Variants in FOXA1 observed in about 807,000 individuals in gnomAD.
The protein encoded by FOXA1 is hepatocyte nuclear factor 3-alpha.
FOXA1 carries 9 observed loss-of-function variants against 29.2 expected under a neutral mutation model. That is an observed-to-expected ratio of 0.31 (90% CI 0.19 to 0.54). The LOEUF is 0.54. Ranked by LOEUF, FOXA1 falls within the 20% of genes least tolerant of loss-of-function variation. FOXA1 has a pLI of 0.95. For missense variants in FOXA1, 644 were observed against 681.2 expected, an observed-to-expected ratio of 0.95 and a Z score of 0.61; for synonymous variants, 340 against 300.9, an observed-to-expected ratio of 1.13 and a Z score of -1.34.
chr14:37,591,854 A>C lies in FOXA1; in HGVS notation c.930T>G (p.His310Gln), dbSNP rs1011397768. ...ASNPSADSPL[H>Q]RGVHGKTGQL... ...GGCCGGTCTTCCCGTGCACACCCCGATGGAGGGGCGAGTCGGCGCTGGGGT... is the reference window on the plus strand; with the variant it reads ...GGCCGGTCTTCCCGTGCACACCCCGCTGGAGGGGCGAGTCGGCGCTGGGGT... The change falls in exon 2 of 2, where the codon CAT becomes CAG. Residue 310 changes from histidine to glutamine, a missense_variant. Around this residue, in one of 5 missense-constraint regions of FOXA1, gnomAD observed 295 missense variants for 294.4 expected, o/e 1.00. Coordinates refer to ENST00000250448, the MANE Select transcript of FOXA1 (RefSeq NM_004496.5). 2 of 1,451,938 alleles carry C rather than the reference A, an allele frequency of 1.4e-6. No individual in the cohort carries two copies. The highest frequency in any genetic ancestry group is 1.8e-6 in the Non-Finnish European group (2 of 1,107,942). The allele number at this position is 1,451,938 out of a possible 1,614,324, so 89.9% of individuals were successfully genotyped here.
In FOXA1 at chr14:37,592,457, G is replaced by T; in HGVS notation, c.327C>A (p.Ser109Arg). 1 of 1,604,652 alleles carries T rather than the reference G, an allele frequency of 6.2e-7. No homozygotes were observed. Among genetic ancestry groups the T allele is most frequent in the Non-Finnish European group, 8.5e-7 (1 of 1,178,530 alleles). The change falls in exon 2 of 2, where the codon AGC (serine) becomes AGA (arginine). Residue 109 changes from serine (S) to arginine (R), a missense_variant. Ser to Arg is a moderately radical substitution (Grantham distance 110, BLOSUM62 -1). Around this residue, in one of 5 missense-constraint regions of FOXA1, gnomAD observed 309 missense variants for 307.0 expected, o/e 1.01. Transcript: ENST00000250448. Reference protein sequence around the residue: ...AGVTAMGTALSPSGMGAMGAQ... With the variant: ...AGVTAMGTALRPSGMGAMGAQ... ...CACCCATGGCGCCCATGCCGCTCGG[G>T]CTCAGCGCCGTACCCATGGCCGTCA...
Position 37,592,709 on chromosome 14 carries a change from G to A in FOXA1, c.75C>T (p.Ala25=). 4 of 1,611,448 alleles carry A rather than the reference G, an allele frequency of 2.5e-6. No homozygotes were observed. The highest frequency in any genetic ancestry group is 3.4e-6 in the Non-Finnish European group (4 of 1,180,020). The stretch of plus-strand genomic sequence containing the variant: ...TGTTGCTGACCGGGACGGAGGAGTA[G>A]GCCTGGAGTGGAGACAGCGAGTGAA... The part of the protein sequence containing the change: ...WNSYYADTQE[A]YSSVPVSNMN... Residue 25 remains alanine (A), a splice_region_variant and synonymous_variant, in exon 2 of 2, where the codon GCC becomes GCT. Coordinates refer to ENST00000250448, the MANE Select transcript of FOXA1 (RefSeq NM_004496.5).
chr14:37,592,839 C>G (rs1594978186), intron 1 of FOXA1, 128 bp from the exon 2 acceptor site: 1 of 1,170,802 alleles, frequency 8.5e-7, no homozygotes, highest in East Asian at 2.4e-5. Context: ...GACGCCCCCA[C>G]CCGGGGCAAA....
At position 37,591,338 on chromosome 14, in the gene FOXA1, G is replaced by A. The variant is rs2095595201; in HGVS notation, c.*27C>T. 1.2e-6 allele frequency: 2 copies of A among 1,610,756 alleles called. No individual in the cohort carries two copies. Among genetic ancestry groups the A allele is most frequent in the Non-Finnish European group, 1.7e-6 (2 of 1,179,992 alleles). On this transcript the variant is annotated 3_prime_UTR_variant, in exon 2 of 2. Coordinates refer to ENST00000250448, the MANE Select transcript of FOXA1 (RefSeq NM_004496.5). ...TCTCTCTTGCTACCAGCATGGCTAT[G>A]CCAGACAAACCCCCCAGTCCCGGGA...
Position 37,592,290 on chromosome 14 carries a change from C to T in FOXA1, c.494G>A (p.Ser165Asn), listed in dbSNP as rs2095596589. The T allele has an allele frequency of 1.2e-6, 2 of 1,612,386 alleles. No homozygotes were observed. The highest frequency in any genetic ancestry group is 1.7e-6 in the Non-Finnish European group (2 of 1,179,066). ...GGGDAKTFKR[S>N]YPHAKPPYSY... The stretch of plus-strand genomic sequence containing the variant: ...GTAGGGCGGCTTGGCGTGCGGGTAG[C>T]TGCGCTTGAACGTCTTGGCGTCGCC... The change falls in exon 2 of 2, where the codon AGC becomes AAC. Residue 165 changes from serine (S) to asparagine (N), a missense_variant. Physicochemically the swap from Ser to Asn is conservative, Grantham distance 46 (BLOSUM62 1). This residue lies in a region of FOXA1 where 309 missense variants were observed against 307.0 expected (regional missense o/e 1.01). Coordinates refer to ENST00000250448, the MANE Select transcript of FOXA1 (RefSeq NM_004496.5).
intron 1 of FOXA1, 49 bp downstream of exon 1, chr14:37,594,852 C>A (rs1173200978): frequency 2.0e-6 from 3 of 1,470,266 alleles, no homozygotes; most frequent in African/African-American, 2.9e-5. Context: ...TCCCCCGGCA[C>A]GGGCTCCAGC....
chr14:37,594,049 T>C (rs1594979448), intron 1 of FOXA1: 1 of 1,213,584 alleles, frequency 8.2e-7, no homozygotes, highest in East Asian at 6.1e-5. Context: ...TATATTTTTC[T>C]GTCCACGTCT....
chr14:37,591,498 T>C lies in FOXA1; in HGVS notation c.1286A>G (p.Tyr429Cys). The change falls in exon 2 of 2, where the codon TAC becomes TGC. Residue 429 changes from tyrosine (Y) to cysteine (C), a missense_variant. Tyr to Cys is a radical substitution (Grantham distance 194). Around this residue, in one of 5 missense-constraint regions of FOXA1, gnomAD observed 295 missense variants for 294.4 expected, o/e 1.00. Transcript: ENST00000250448. ...AYEQALQYSP[Y>C]GSTLPASLPL... ...CAGGCTGGCGGGCAACGTAGAGCCG[T>C]AAGGCGAGTATTGCAGTGCCTGTTC... 1 of 1,614,248 alleles carries C rather than the reference T, an allele frequency of 6.2e-7. No individual in the cohort carries two copies. The highest frequency in any genetic ancestry group is 1.1e-5 in the South Asian group (1 of 91,084).
At position 37,592,459 on chromosome 14, in the gene FOXA1, T is replaced by C. The variant is rs768301219; in HGVS notation, c.325A>G (p.Ser109Gly). Reference sequence around the variant, plus strand: ...CCCATGGCGCCCATGCCGCTCGGGCTCAGCGCCGTACCCATGGCCGTCACG... The same window carrying C: ...CCCATGGCGCCCATGCCGCTCGGGCCCAGCGCCGTACCCATGGCCGTCACG... ...AGVTAMGTAL[S>G]PSGMGAMGAQ... The change falls in exon 2 of 2, where the codon AGC becomes GGC. Residue 109 changes from serine to glycine, a missense_variant. Physicochemically the swap from Ser to Gly is moderately conservative, Grantham distance 56 (BLOSUM62 0). This residue lies in a region of FOXA1 where 309 missense variants were observed against 307.0 expected (regional missense o/e 1.01). Transcript: ENST00000250448. 16 of 1,605,124 alleles carry C rather than the reference T, an allele frequency of 1.0e-5. No individual in the cohort carries two copies. In the South Asian group the frequency reaches 1.6e-4, roughly 17 times the overall value.
chr14:37,590,087 T>G lies in FOXA1; in HGVS notation c.*1278A>C, dbSNP rs2095594284. ...TATTTTTGTTATTTAAATCAAAATA[T>G]TTTTAATTACAATCACATTGATAAA... is the stretch of plus-strand genomic sequence containing the variant. On this transcript the variant is annotated 3_prime_UTR_variant, in exon 2 of 2. Coordinates refer to ENST00000250448, the MANE Select transcript of FOXA1 (RefSeq NM_004496.5). 4.3e-6 allele frequency: 1 copy of G among 231,978 alleles called. No homozygotes were observed. The highest frequency in any genetic ancestry group is 2.2e-5 in the African/African-American group (1 of 45,304). The allele number at this position is 231,978 out of a possible 1,614,324, so 14.4% of individuals were successfully genotyped here.
rs775955726 is a variant in FOXA1, at chr14:37,591,849, C to G, written c.935G>C (p.Gly312Ala). Residue 312 changes from glycine (G) to alanine (A), a missense_variant, in exon 2 of 2, where the codon GGT becomes GCT. Coordinates refer to ENST00000250448, the MANE Select transcript of FOXA1 (RefSeq NM_004496.5). ...NPSADSPLHR[G>A]VHGKTGQLEG... is the part of the protein sequence containing the mutation. ...TAGCTGGCCGGTCTTCCCGTGCACA[C>G]CCCGATGGAGGGGCGAGTCGGCGCT... is the stretch of plus-strand genomic sequence containing the variant. 9.6e-6 allele frequency: 14 copies of G among 1,452,934 alleles called. No individual in the cohort carries two copies. The highest frequency in any genetic ancestry group is 1.3e-5 in the Non-Finnish European group (14 of 1,108,338). 90.0% of individuals were successfully genotyped at this position (1,452,934 alleles called of 1,614,324 possible).
In FOXA1 at chr14:37,592,684, T is replaced by G. The variant is rs2095597259; in HGVS notation, c.100A>C (p.Met34Leu). Residue 34 changes from methionine to leucine, a missense_variant, in exon 2 of 2, where the codon ATG becomes CTG. By Grantham distance (15) the Met-to-Leu change is conservative. Around this residue, in one of 5 missense-constraint regions of FOXA1, gnomAD observed 309 missense variants for 307.0 expected, o/e 1.01. Transcript: ENST00000250448. Reference sequence around the variant, plus strand: ...TTCATGGAGCCCAGGCCTGAGTTCATGTTGCTGACCGGGACGGAGGAGTAG... The same window carrying G: ...TTCATGGAGCCCAGGCCTGAGTTCAGGTTGCTGACCGGGACGGAGGAGTAG... ...EAYSSVPVSN[M>L]NSGLGSMNSM... The G allele has an allele frequency of 6.2e-7, 1 of 1,613,692 alleles. No homozygotes were observed.
chr14:37,593,508 A>G (rs1291201684), intron 1 of FOXA1, among the ~76,000 whole-genome samples: 1 of 151,120 alleles, frequency 6.6e-6, no homozygotes, highest in Non-Finnish European at 1.5e-5. Context: ...TTTTTTTCAC[A>G]TGCTGATGTT....
At chr14:37,594,757 A>C in intron 1 of FOXA1, 144 bp downstream of exon 1, 51 of 410,754 alleles carry the variant, frequency 1.2e-4, no homozygotes, top group Middle Eastern at 8.0e-4. Context: ...GGCCGGGGCC[A>C]CACCGGCGGG....
Position 37,591,627 on chromosome 14 carries a change from A to C in FOXA1, c.1157T>G (p.Leu386Arg), listed in dbSNP as rs1283275488. The change falls in exon 2 of 2, where the codon CTG (leucine) becomes CGG (arginine). Residue 386 changes from leucine (L) to arginine (R), a missense_variant. Physicochemically the swap from Leu to Arg is moderately radical, Grantham distance 102. Around this residue, in one of 5 missense-constraint regions of FOXA1, gnomAD observed 295 missense variants for 294.4 expected, o/e 1.00. Transcript: ENST00000250448. ...GTAGTGGGGGTCCCCTTTCAGGTGCAGCTGGGACTCGTGGGGTGCCAAGCC... is the reference window on the plus strand; with the variant it reads ...GTAGTGGGGGTCCCCTTTCAGGTGCCGCTGGGACTCGTGGGGTGCCAAGCC... ...AHGLAPHESQLHLKGDPHYSF... is the reference protein window; with the variant it reads ...AHGLAPHESQRHLKGDPHYSF... The C allele has an allele frequency of 6.2e-7, 1 of 1,604,920 alleles. No individual in the cohort carries two copies. Among genetic ancestry groups the C allele is most frequent in the Non-Finnish European group, 8.5e-7 (1 of 1,175,366 alleles).
Position 37,592,321 on chromosome 14 carries a change from C to T in FOXA1, c.463G>A (p.Gly155Ser). 5 of 1,598,178 alleles carry T rather than the reference C, an allele frequency of 3.1e-6. No homozygotes were observed. Among genetic ancestry groups the T allele is most frequent in the Non-Finnish European group, 4.3e-6 (5 of 1,173,686 alleles). The change falls in exon 2 of 2, where the codon GGC becomes AGC. Residue 155 changes from glycine (G) to serine (S), a missense_variant. By Grantham distance (56) the Gly-to-Ser change is moderately conservative. Around this residue, in one of 5 missense-constraint regions of FOXA1, gnomAD observed 309 missense variants for 307.0 expected, o/e 1.01. Transcript: ENST00000250448. Reference sequence around the variant, plus strand: ...TTGAACGTCTTGGCGTCGCCGCCGCCGCCCGCGCGGCTGCGGCCCAGGTTG... The same window carrying T: ...TTGAACGTCTTGGCGTCGCCGCCGCTGCCCGCGCGGCTGCGGCCCAGGTTG... ...PSNLGRSRAGGGGDAKTFKRS... is the reference protein window; with the variant it reads ...PSNLGRSRAGSGGDAKTFKRS...
rs2095597200 is a variant in FOXA1, at chr14:37,592,635, AT to A, written c.148del (p.Met50Ter). ...SMNSMNTYMT[M>X]NTMTTSGNMT... ...GTTGCCGCTCGTAGTCATGGTGTTC[AT>A]GGTCATGTAGGTGTTCATGGAGTTC... On this transcript the variant is annotated frameshift_variant, in exon 2 of 2. Coordinates refer to ENST00000250448, the MANE Select transcript of FOXA1 (RefSeq NM_004496.5). LOFTEE classifies it high-confidence loss of function. The A allele has an allele frequency of 6.2e-7, 1 of 1,614,094 alleles. No homozygotes were observed.
chr14:37,592,442 G>A lies in FOXA1; in HGVS notation c.342C>T (p.Gly114=). The A allele has an allele frequency of 2.5e-6, 4 of 1,602,084 alleles. No homozygotes were observed. Among genetic ancestry groups the A allele is most frequent in the Non-Finnish European group, 3.4e-6 (4 of 1,177,710 alleles). Residue 114 remains glycine, a synonymous_variant, in exon 2 of 2, where the codon GGC becomes GGT. Coordinates refer to ENST00000250448, the MANE Select transcript of FOXA1 (RefSeq NM_004496.5). ...MGTALSPSGM[G]AMGAQQAASM... ...AGGCCGCCTGCTGCGCACCCATGGC[G>A]CCCATGCCGCTCGGGCTCAGCGCCG...
chr14:37,590,010 G>A lies in FOXA1; in HGVS notation c.*1355C>T, dbSNP rs2095594235. The A allele has an allele frequency of 4.3e-6, 1 of 231,974 alleles. No individual in the cohort carries two copies. Among genetic ancestry groups the A allele is most frequent in the East Asian group, 6.1e-5 (1 of 16,304 alleles). The allele number at this position is 231,974 out of a possible 1,614,324, so 14.4% of individuals were successfully genotyped here. On this transcript the variant is annotated 3_prime_UTR_variant, in exon 2 of 2. Coordinates refer to ENST00000250448, the MANE Select transcript of FOXA1 (RefSeq NM_004496.5). ...TTTGTTAACATTTGATTTATTTAAA[G>A]TCCTTAACTGCAAATGATCAAGAAC...
Sources: gnomAD v4.1 joint callset for allele counts (sites outside exome capture counted in the v4.1 genomes callset) on GRCh38, gnomAD v4.1.1 for gene constraint, gnomAD v4.1.1 regional missense constraint, MANE v1.5 for transcripts, NCBI Gene and HGNC (gene_info 2026-07-23, HGNC 2026-07-21) for gene names.